ZNF566: variants seen among roughly 807,000 people sequenced by gnomAD.
ZNF566 encodes zinc finger protein 566.
In ZNF566, 27 loss-of-function variants were observed where a neutral mutation model predicts 32.8. That is an observed-to-expected ratio of 0.82 (90% CI 0.61 to 1.14). The LOEUF (loss-of-function observed/expected upper bound fraction) is 1.14. Ranked by LOEUF, ZNF566 falls within the 50% of genes most tolerant of loss-of-function variation. The pLI, the probability that ZNF566 is intolerant of heterozygous loss-of-function variation, is 0.00. For missense variants in ZNF566, 402 were observed against 490.4 expected (o/e 0.82, Z 1.70); for synonymous variants, 154 against 159.5 (o/e 0.97, Z 0.26).
At chr19:36,484,183 C>G (rs971104978) in intron 1 of ZNF566, among the ~76,000 whole-genome samples, 2 of 152,188 alleles carry the variant, frequency 1.3e-5, no homozygotes, top group Admixed American at 1.3e-4. Flanking sequence ...CAGTGTTTGC[C>G]TTACTTAACA....
intron 4 of ZNF566, among the ~76,000 whole-genome samples, chr19:36,457,859 C>A (rs2033356408): frequency 6.6e-6 from 1 of 152,122 alleles, no homozygotes; most frequent in East Asian, 1.9e-4. Flanking sequence ...CCACTGCACT[C>A]CAGCCTGGGC....
intron 4 of ZNF566, among the ~76,000 whole-genome samples, chr19:36,471,244 A>G (rs1568524522): frequency 6.6e-6 from 1 of 151,320 alleles, no homozygotes; most frequent in Non-Finnish European, 1.5e-5. Context: ...AATGAGTTGC[A>G]TCAAGCCATT....
rs146538643 is a variant in ZNF566, at chr19:36,463,927, C to T, written c.232+8984G>A. ...TTTTAGTAGAGCCTGGGTTTCACCA[C>T]GTTGTCCAGGCTGGTCTCGAACTCC... On this transcript the variant is annotated intron_variant, in intron 4 of 4. Transcript: ENST00000452939. Among the ~76,000 whole-genome samples, 55 of 152,036 alleles carry T rather than the reference C, an allele frequency of 3.6e-4. No homozygotes were observed. In the East Asian group the frequency reaches 8.3e-3, roughly 23 times the overall value.
chr19:36,471,744 T>C (rs2033770954), intron 4 of ZNF566, among the ~76,000 whole-genome samples: 1 of 151,966 alleles, frequency 6.6e-6, no homozygotes, highest in Non-Finnish European at 1.5e-5. Context: ...ATTATGCATG[T>C]TCTTTTTTTT....
intron 4 of ZNF566, among the ~76,000 whole-genome samples, chr19:36,468,056 A>G (rs369496508): frequency 6.6e-6 from 1 of 150,698 alleles, no homozygotes; most frequent in African/African-American, 2.5e-5. Flanking sequence ...GTGGTGGCGC[A>G]TGCCTGTAAT....
At chr19:36,464,980 G>A (rs1266322487) in intron 4 of ZNF566, among the ~76,000 whole-genome samples, 1 of 151,900 alleles carries the variant, frequency 6.6e-6, no homozygotes, top group Non-Finnish European at 1.5e-5. Flanking sequence ...ACACAAACTG[G>A]AAAACATATC....
chr19:36,482,906 CCTT>C (rs1400864022), intron 1 of ZNF566, among the ~76,000 whole-genome samples: 1 of 152,164 alleles, frequency 6.6e-6, no homozygotes, highest in African/African-American at 2.4e-5. Context: ...GAGTCGGTCT[CCTT>C]CTACAGCAAA....
At chr19:36,463,486 T>C (rs74573515) in intron 4 of ZNF566, among the ~76,000 whole-genome samples, 2,089 of 151,108 alleles carry the variant, frequency 0.014, 50 homozygotes, top group African/African-American at 0.048. Context: ...TGATTTAACG[T>C]AATAAAGATA....
chr19:36,449,624 A>G lies in ZNF566; in HGVS notation c.610T>C (p.Cys204Arg). Residue 204 changes from cysteine to arginine, a missense_variant, in exon 5 of 5, where the codon TGT becomes CGT. Physicochemically the swap from Cys to Arg is radical, Grantham distance 180. This residue lies in a region of ZNF566 where 220 missense variants were observed against 241.9 expected (regional missense o/e 0.91). Coordinates refer to ENST00000452939, the MANE Select transcript of ZNF566 (RefSeq NM_001145344.1). Reference sequence around the variant, plus strand: ...GAGGGATGTCTAAAGGACTTTCCACATTCCTTACATTCATAAGGCTTCTCA... The same window carrying G: ...GAGGGATGTCTAAAGGACTTTCCACGTTCCTTACATTCATAAGGCTTCTCA... ...TIEKPYECKE[C>R]GKSFRHPSRL... The G allele has an allele frequency of 6.2e-7, 1 of 1,614,194 alleles. No homozygotes were observed. The highest frequency in any genetic ancestry group is 1.1e-5 in the South Asian group (1 of 91,084).
chr19:36,455,864 C>G (rs911856257), intron 4 of ZNF566, among the ~76,000 whole-genome samples: 2 of 151,868 alleles, frequency 1.3e-5, no homozygotes, highest in African/African-American at 4.8e-5. Flanking sequence ...CACGGTGAAA[C>G]CTCTCTCTAC....
At chr19:36,460,521 G>GA (rs1338455570) in intron 4 of ZNF566, among the ~76,000 whole-genome samples, 1 of 142,212 alleles carries the variant, frequency 7.0e-6, no homozygotes, top group Non-Finnish European at 1.5e-5. Context: ...GAATAGCAGC[G>GA]AAAAAAAGAT....
chr19:36,458,024 T>A (rs1250116741), intron 4 of ZNF566, among the ~76,000 whole-genome samples: 1 of 152,174 alleles, frequency 6.6e-6, no homozygotes, highest in South Asian at 2.1e-4. Flanking sequence ...TGGCATAAAT[T>A]GAAACAGCCA....
At position 36,463,251 on chromosome 19, in the gene ZNF566, T is replaced by C. The variant is rs144285561; in HGVS notation, c.232+9660A>G. On this transcript the variant is annotated intron_variant, in intron 4 of 4. Coordinates refer to ENST00000452939, the MANE Select transcript of ZNF566 (RefSeq NM_001145344.1). ...CCAGGAGGTCCAGACTGCAGTGAGCTGTGGGTTCACCACTACACTCCAGCT... is the reference window on the plus strand; with the variant it reads ...CCAGGAGGTCCAGACTGCAGTGAGCCGTGGGTTCACCACTACACTCCAGCT... Among the ~76,000 whole-genome samples, 1,073 of 152,176 alleles carry C rather than the reference T, an allele frequency of 7.1e-3. 13 individuals carry two copies. Among genetic ancestry groups the C allele is most frequent in the African/African-American group, 0.024 (1,015 of 41,518 alleles).
chr19:36,485,385 G>A (rs551010474), intron 1 of ZNF566, among the ~76,000 whole-genome samples: 4 of 147,938 alleles, frequency 2.7e-5, no homozygotes, highest in Non-Finnish European at 4.5e-5. Context: ...AGGCTGCAAT[G>A]AGCCATGGTC....
At chr19:36,461,105 G>C (rs1260793887) in intron 4 of ZNF566, among the ~76,000 whole-genome samples, 1 of 152,130 alleles carries the variant, frequency 6.6e-6, no homozygotes, top group Non-Finnish European at 1.5e-5. Flanking sequence ...CTTCTCAAAG[G>C]GGTTAAGTGC....
intron 3 of ZNF566, 45 bp from the exon 4 acceptor site, chr19:36,473,051 C>A: frequency 6.5e-7 from 1 of 1,537,620 alleles, no homozygotes; most frequent in South Asian, 1.1e-5. Context: ...ATGAGCATAT[C>A]CTAGAATTCA....
At chr19:36,475,187 A>T (rs2145690616) in intron 2 of ZNF566, among the ~76,000 whole-genome samples, 1 of 152,282 alleles carries the variant, frequency 6.6e-6, no homozygotes, top group Non-Finnish European at 1.5e-5. Flanking sequence ...CTGGGACTAC[A>T]GGCGTGCACC....
At chr19:36,477,543 T>C (rs1333901522) in intron 1 of ZNF566, among the ~76,000 whole-genome samples, 1 of 87,412 alleles carries the variant, frequency 1.1e-5, no homozygotes, top group Non-Finnish European at 2.7e-5. Context: ...TTTTGTTTGT[T>C]TGTTTGTTTT....
At chr19:36,455,419 G>GATCTACCA (rs2033275154) in intron 4 of ZNF566, among the ~76,000 whole-genome samples, 1 of 152,030 alleles carries the variant, frequency 6.6e-6, no homozygotes, top group South Asian at 2.1e-4. Context: ...AACCCTAGGG[G>GATCTACCA]ATCTACCATA....
Sources: gnomAD v4.1 joint callset for allele counts (sites outside exome capture counted in the v4.1 genomes callset) on GRCh38, gnomAD v4.1.1 for gene constraint, gnomAD v4.1.1 regional missense constraint, MANE v1.5 for transcripts, NCBI Gene and HGNC (gene_info 2026-07-23, HGNC 2026-07-21) for gene names.